The following SNTG1 variants were observed in gnomAD, a reference collection of about 807,000 sequenced individuals.
SNTG1 encodes the protein gamma-1-syntrophin.
SNTG1 carries 39 observed loss-of-function variants against 74.7 expected under a neutral mutation model. That is an observed-to-expected ratio of 0.52 (90% confidence interval 0.40 to 0.68). SNTG1 has a LOEUF of 0.68. SNTG1 is among the 30% of genes least tolerant of loss of function. The probability of loss-of-function intolerance (pLI) is 0.00; values close to 1 mark genes in which losing one functional copy is unlikely to be tolerated. For missense variants in SNTG1, 685 were observed against 609.5 expected, an observed-to-expected ratio of 1.12 and a Z score of -1.30; for synonymous variants, 254 against 217.1, an observed-to-expected ratio of 1.17 and a Z score of -1.49.
At chr8:50,462,951 G>A (rs371221437) in intron 8 of SNTG1, among the ~76,000 whole-genome samples, 33 of 151,500 alleles carry the variant, frequency 2.2e-4, no homozygotes, top group African/African-American at 4.9e-4. Context: ...CAAGTAGCTC[G>A]GACTACAGGT....
intron 1 of SNTG1, among the ~76,000 whole-genome samples, chr8:49,972,184 C>T (rs929055958): frequency 6.6e-6 from 1 of 152,128 alleles, no homozygotes; most frequent in African/African-American, 2.4e-5. Flanking sequence ...ACCAATGTAA[C>T]AGAACAGAGC....
intron 1 of SNTG1, among the ~76,000 whole-genome samples, chr8:50,016,853 C>T (rs1019152493): frequency 1.3e-5 from 2 of 151,528 alleles, no homozygotes; most frequent in African/African-American, 4.8e-5. Flanking sequence ...TCCACCAATA[C>T]AAAAAAAATG....
At chr8:50,182,769 A>T (rs922885213) in intron 2 of SNTG1, among the ~76,000 whole-genome samples, 5 of 152,054 alleles carry the variant, frequency 3.3e-5, no homozygotes, top group African/African-American at 1.2e-4. Context: ...AAAAAAATTT[A>T]TGCAAGCACA....
intron 11 of SNTG1, among the ~76,000 whole-genome samples, chr8:50,545,194 G>A (rs1342916927): frequency 6.6e-6 from 1 of 151,588 alleles, no homozygotes; most frequent in Non-Finnish European, 1.5e-5. Flanking sequence ...CAACCAAGTT[G>A]TGTTACAGTC....
intron 1 of SNTG1, among the ~76,000 whole-genome samples, chr8:50,137,069 TG>T (rs1339317203): frequency 6.6e-6 from 1 of 152,100 alleles, no homozygotes; most frequent in Non-Finnish European, 1.5e-5. Context: ...TGCTTCAGAA[TG>T]ACTTCATTTT....
Position 50,487,697 on chromosome 8 carries a change from G to GT in SNTG1, c.364-15081_364-15080insT, listed in dbSNP as rs1012179372. Among the ~76,000 whole-genome samples, 11 of 25,030 alleles carry GT rather than the reference G, an allele frequency of 4.4e-4. No homozygotes were observed. In the East Asian group the frequency reaches 0.019, roughly 43 times the overall value. 16.4% of individuals were successfully genotyped at this position (25,030 alleles called of 152,430 possible). A position where few individuals can be genotyped will look rare whatever the true frequency, so the allele number is the denominator to read the frequency against. Reference sequence around the variant, plus strand: ...CTCTGGGGACTGTTGTGGGGTCGGAGGGGGGGGAGGGATAGCACTGGGAGA... The same window carrying GT: ...CTCTGGGGACTGTTGTGGGGTCGGAGTGGGGGGGAGGGATAGCACTGGGAGA... On this transcript the variant is annotated intron_variant, in intron 8 of 18. Transcript: ENST00000642720.
At chr8:50,111,206 A>C (rs2080573457) in intron 1 of SNTG1, among the ~76,000 whole-genome samples, 1 of 152,038 alleles carries the variant, frequency 6.6e-6, no homozygotes, top group Admixed American at 6.6e-5. Flanking sequence ...GAGGTCACCT[A>C]CTGTACTTTC....
At chr8:50,692,895 C>T (rs1382967923) in intron 15 of SNTG1, among the ~76,000 whole-genome samples, 2 of 152,220 alleles carry the variant, frequency 1.3e-5, no homozygotes, top group Admixed American at 6.5e-5. Flanking sequence ...GTGGTAGGCT[C>T]CACCCAGTTC....
chr8:49,973,472 C>G (rs1376281552), intron 1 of SNTG1, among the ~76,000 whole-genome samples: 1 of 151,518 alleles, frequency 6.6e-6, no homozygotes, highest in African/African-American at 2.4e-5. Flanking sequence ...ATGTAACTAA[C>G]CTGCACGTTG....
chr8:50,767,058 T>C (rs1024645404), intron 18 of SNTG1, among the ~76,000 whole-genome samples: 1 of 151,912 alleles, frequency 6.6e-6, no homozygotes, highest in Non-Finnish European at 1.5e-5. Flanking sequence ...TTCTTTCCTT[T>C]TCTAAGGAAA....
chr8:50,455,089 T>G (rs2131644975), intron 8 of SNTG1, among the ~76,000 whole-genome samples: 1 of 152,312 alleles, frequency 6.6e-6, no homozygotes, highest in Admixed American at 6.5e-5. Context: ...CATATAACAA[T>G]GGTGATCTTC....
At chr8:50,192,476 A>G (rs2083612687) in intron 2 of SNTG1, among the ~76,000 whole-genome samples, 1 of 151,992 alleles carries the variant, frequency 6.6e-6, no homozygotes, top group South Asian at 2.1e-4. Context: ...TTGTCTATTC[A>G]TATCCTTAGC....
intron 2 of SNTG1, among the ~76,000 whole-genome samples, chr8:50,326,789 A>C (rs1238360679): frequency 4.0e-5 from 6 of 151,476 alleles, no homozygotes; most frequent in African/African-American, 1.5e-4. Context: ...AATATTATTG[A>C]TTTTGAGCTC....
chr8:50,171,903 C>T (rs2082820997), intron 1 of SNTG1, among the ~76,000 whole-genome samples: 1 of 152,152 alleles, frequency 6.6e-6, no homozygotes, highest in Non-Finnish European at 1.5e-5. Context: ...TAAATATAGG[C>T]ATCTCACCTG....
intron 1 of SNTG1, among the ~76,000 whole-genome samples, chr8:50,043,449 A>T (rs546238282): frequency 1.3e-5 from 2 of 152,238 alleles, no homozygotes; most frequent in African/African-American, 2.4e-5. Context: ...GAAACCATTT[A>T]CATGACCTTT....
chr8:50,585,143 A>C (rs2094639508), intron 12 of SNTG1, among the ~76,000 whole-genome samples: 1 of 152,222 alleles, frequency 6.6e-6, no homozygotes, highest in Non-Finnish European at 1.5e-5. Flanking sequence ...CCAAGAAATC[A>C]AGCAGAGATG....
intron 2 of SNTG1, among the ~76,000 whole-genome samples, chr8:50,265,786 ATAAAG>A (rs1272284893): frequency 6.6e-6 from 1 of 152,070 alleles, no homozygotes; most frequent in African/African-American, 2.4e-5. Context: ...TTGTATTTTT[ATAAAG>A]TAGTGATGAA....
chr8:50,710,917 T>C (rs540236094), intron 17 of SNTG1, among the ~76,000 whole-genome samples: 12 of 152,296 alleles, frequency 7.9e-5, no homozygotes, highest in Middle Eastern at 3.4e-3. Flanking sequence ...GATTCTTTCA[T>C]TGGAAGCATC....
At chr8:49,926,072 T>A (rs562623309) in intron 1 of SNTG1, among the ~76,000 whole-genome samples, 2 of 152,276 alleles carry the variant, frequency 1.3e-5, no homozygotes, top group East Asian at 3.9e-4. Flanking sequence ...GGGTGGGTGA[T>A]GGTTTTTTAC....
Sources: gnomAD v4.1 joint callset for allele counts (sites outside exome capture counted in the v4.1 genomes callset) on GRCh38, gnomAD v4.1.1 for gene constraint, MANE v1.5 for transcripts, NCBI Gene and HGNC (gene_info 2026-07-23, HGNC 2026-07-21) for gene names.